Variants in CDK17 observed in about 807,000 individuals in gnomAD.
The protein encoded by CDK17 is cyclin dependent kinase 17.
A neutral mutation model predicts 77.6 loss-of-function variants in CDK17; 24 were observed. The ratio of observed to expected loss-of-function variants is 0.31; its 90% CI spans 0.22 to 0.44. The LOEUF (loss-of-function observed/expected upper bound fraction) is 0.44. CDK17 is among the 20% of genes least tolerant of loss of function. The pLI is 1.00. For missense variants in CDK17, 429 were observed against 622.5 expected, an observed-to-expected ratio of 0.69 and a Z score of 3.31; for synonymous variants, 203 against 210.4, an observed-to-expected ratio of 0.96 and a Z score of 0.30.
intron 1 of CDK17, among the ~76,000 whole-genome samples, chr12:96,351,553 T>C (rs1953313594): frequency 6.6e-6 from 1 of 152,132 alleles, no homozygotes. Flanking sequence ...AAAGGACAAA[T>C]ATTATATGAT....
At position 96,298,991 on chromosome 12, in the gene CDK17, AT is replaced by A; in HGVS notation, c.601-9del. The A allele has an allele frequency of 7.4e-7, 1 of 1,359,752 alleles. No homozygotes were observed. The highest frequency in any genetic ancestry group is 1.0e-6 in the Non-Finnish European group (1 of 960,640). The allele number at this position is 1,359,752 out of a possible 1,614,324, so 84.2% of individuals were successfully genotyped here. A position where few individuals can be genotyped will look rare whatever the true frequency, so the allele number is the denominator to read the frequency against. On this transcript the variant is annotated splice_polypyrimidine_tract_variant and intron_variant, in intron 6 of 16. Transcript: ENST00000261211. ...TACTGTTGCATATGTACCCTATAAA[AT>A]ATATTTTTAAAGGACGCATCAAAAG...
intron 5 of CDK17, among the ~76,000 whole-genome samples, chr12:96,301,326 A>C (rs150250666): frequency 0.01 from 1,530 of 152,002 alleles, 46 homozygotes; most frequent in Admixed American, 0.061. Flanking sequence ...TGCTTTTAAA[A>C]CTTGAGCTCG....
intron 1 of CDK17, among the ~76,000 whole-genome samples, chr12:96,373,727 C>T (rs1244602792): frequency 2.6e-5 from 4 of 152,128 alleles, no homozygotes; most frequent in Non-Finnish European, 5.9e-5. Context: ...CAAAACCAGC[C>T]TGACCAAGAT....
At chr12:96,332,705 T>C (rs766137740) in intron 2 of CDK17, among the ~76,000 whole-genome samples, 1 of 152,224 alleles carries the variant, frequency 6.6e-6, no homozygotes, top group Admixed American at 6.5e-5. Flanking sequence ...ATGTCTCTTA[T>C]GACGTCTTGA....
intron 1 of CDK17, among the ~76,000 whole-genome samples, chr12:96,337,224 A>C (rs955341618): frequency 1.3e-5 from 2 of 152,012 alleles, no homozygotes; most frequent in Admixed American, 1.3e-4. Context: ...GGGCCAGAAC[A>C]CCACCACAAC....
chr12:96,337,736 C>G (rs1483793109), intron 1 of CDK17, among the ~76,000 whole-genome samples: 2 of 152,142 alleles, frequency 1.3e-5, no homozygotes, highest in Non-Finnish European at 2.9e-5. Context: ...TTGTACTGAG[C>G]TATTGCCACT....
Position 96,279,895 on chromosome 12 carries a change from G to T in CDK17, c.*347C>A. The T allele has an allele frequency of 5.1e-6, 1 of 197,396 alleles. No homozygotes were observed. Among genetic ancestry groups the T allele is most frequent in the Non-Finnish European group, 1.0e-5 (1 of 98,124 alleles). 12.2% of individuals were successfully genotyped at this position (197,396 alleles called of 1,614,324 possible). On this transcript the variant is annotated 3_prime_UTR_variant, in exon 17 of 17. Transcript: ENST00000261211. Reference sequence around the variant, plus strand: ...ACTTCTTCAGGCATTCAATTGTTGTGTTAAATAAACAGACAGTAGTTATTT... The same window carrying T: ...ACTTCTTCAGGCATTCAATTGTTGTTTTAAATAAACAGACAGTAGTTATTT...
intron 1 of CDK17, among the ~76,000 whole-genome samples, chr12:96,397,152 T>C (rs566092068): frequency 3.3e-5 from 5 of 152,228 alleles, no homozygotes; most frequent in Admixed American, 1.3e-4. Flanking sequence ...AATGATTTTA[T>C]ATGCCATCTA....
At chr12:96,348,224 G>A (rs969402855) in intron 1 of CDK17, among the ~76,000 whole-genome samples, 3 of 150,778 alleles carry the variant, frequency 2.0e-5, no homozygotes, top group Non-Finnish European at 4.4e-5. Flanking sequence ...AAAAAGAATA[G>A]AGAAAAAACA....
intron 10 of CDK17, among the ~76,000 whole-genome samples, chr12:96,294,584 CAAAAAAAAAAAAAAA>C (rs11313631): frequency 1.8e-5 from 1 of 54,346 alleles, no homozygotes; most frequent in Non-Finnish European, 3.1e-5. Context: ...ATGCTGTCTT[CAAAAAAAAAAAAAAA>C]AAAAAAAAAA....
rs1952170009 is a variant in CDK17 at position 96,280,872 on chromosome 12, GAA to G, written c.1468_1469del (p.Phe490GlnfsTer95). ...IHALPESVSI[F>X]SLKEIQLQKD... ...TTTGCAACTGAATCTCTTTCAAACTGAATATTGATACACCTAAAATGCATAGA... is the reference window on the plus strand; with the variant it reads ...TTTGCAACTGAATCTCTTTCAAACTGTATTGATACACCTAAAATGCATAGA... On this transcript the variant is annotated frameshift_variant, in exon 16 of 17. Coordinates refer to ENST00000261211, the MANE Select transcript of CDK17 (RefSeq NM_002595.5). LOFTEE classifies it high-confidence loss of function. 1.2e-6 allele frequency: 2 copies of G among 1,612,882 alleles called. No homozygotes were observed.
intron 1 of CDK17, among the ~76,000 whole-genome samples, chr12:96,393,608 C>A (rs1467251192): frequency 6.6e-6 from 1 of 152,020 alleles, no homozygotes; most frequent in Non-Finnish European, 1.5e-5. Context: ...TGGCGCTGAA[C>A]CTGTAGTCCC....
In CDK17 at chr12:96,280,147, A is replaced by G. The variant is rs1028242043; in HGVS notation, c.*95T>C. The G allele has an allele frequency of 6.3e-6, 8 of 1,266,862 alleles. No individual in the cohort carries two copies. The highest frequency in any genetic ancestry group is 2.6e-5 in the East Asian group (1 of 38,662). 78.5% of individuals were successfully genotyped at this position (1,266,862 alleles called of 1,614,324 possible). ...AAGAGGACAGTGTAGACAAACGGAG[A>G]TTCCAAGTCCACCAAAAGAAATAAT... On this transcript the variant is annotated 3_prime_UTR_variant, in exon 17 of 17. Transcript: ENST00000261211.
intron 1 of CDK17, among the ~76,000 whole-genome samples, chr12:96,388,616 T>C (rs1954014308): frequency 6.6e-6 from 1 of 152,254 alleles, no homozygotes; most frequent in Non-Finnish European, 1.5e-5. Flanking sequence ...ACAATTTTAT[T>C]ACCACTACCA....
chr12:96,377,151 A>G (rs1953792600), intron 1 of CDK17, among the ~76,000 whole-genome samples: 1 of 152,216 alleles, frequency 6.6e-6, no homozygotes, highest in Non-Finnish European at 1.5e-5. Context: ...GAGGAACTGA[A>G]GGATCCAAAT....
chr12:96,308,396 G>A (rs1952604020), intron 5 of CDK17, among the ~76,000 whole-genome samples: 1 of 151,942 alleles, frequency 6.6e-6, no homozygotes, highest in South Asian at 2.1e-4. Flanking sequence ...AGGTGACAGA[G>A]TGAGACCTTG....
At position 96,298,229 on chromosome 12, in the gene CDK17, G is replaced by A. The variant is rs527658553; in HGVS notation, c.716-508C>T. 3.3e-5 allele frequency among the ~76,000 whole-genome samples: 5 copies of A among 151,884 alleles called. No homozygotes were observed. In the South Asian group the frequency reaches 1.0e-3, roughly 32 times the overall value. On this transcript the variant is annotated intron_variant, in intron 7 of 16. Transcript: ENST00000261211. Reference sequence around the variant, plus strand: ...GTGAACCCAGGAGGCGGAGCTTGCAGTGAGCCAAGATCTCGCCACTGCACT... The same window carrying A: ...GTGAACCCAGGAGGCGGAGCTTGCAATGAGCCAAGATCTCGCCACTGCACT...
At position 96,283,624 on chromosome 12, in the gene CDK17, C is replaced by T. The variant is rs1952207263; in HGVS notation, c.1344G>A (p.Glu448=). The change falls in exon 14 of 17, where the codon GAG becomes GAA. Residue 448 remains glutamate, a synonymous_variant. Transcript: ENST00000261211. ...TTACCTGAAGAAATTTTGTTATCAA[C>T]TCAATTCCTTCAGAGTCTAACCTAG... The part of the protein sequence containing the change: ...HAPRLDSEGI[E]LITKFLQYES... 6.2e-7 allele frequency: 1 copy of T among 1,601,020 alleles called. No individual in the cohort carries two copies. Among genetic ancestry groups the T allele is most frequent in the South Asian group, 1.1e-5 (1 of 90,288 alleles).
chr12:96,292,922 A>C (rs969558896), intron 10 of CDK17, among the ~76,000 whole-genome samples: 2 of 152,200 alleles, frequency 1.3e-5, no homozygotes, highest in Non-Finnish European at 2.9e-5. Flanking sequence ...AGGTATATTA[A>C]GGGAACGCCT....
Sources: gnomAD v4.1 joint callset for allele counts (sites outside exome capture counted in the v4.1 genomes callset) on GRCh38, gnomAD v4.1.1 for gene constraint, MANE v1.5 for transcripts, NCBI Gene and HGNC (gene_info 2026-07-23, HGNC 2026-07-21) for gene names.